The following BLTP2 variants were observed in gnomAD, a reference collection of about 807,000 sequenced individuals.
The protein encoded by BLTP2 is U937-associated antigen.
the BLTP2 span, chr17:28,631,715 C>T: frequency 3.1e-6 from 5 of 1,611,190 alleles, no homozygotes; most frequent in African/African-American, 1.3e-5. Context: ...ACCATGCTGA[C>T]CAGTTCAGAG....
the BLTP2 span, among the ~76,000 whole-genome samples, chr17:28,626,141 A>G: frequency 2.0e-5 from 3 of 152,064 alleles, no homozygotes; most frequent in Non-Finnish European, 4.4e-5. Flanking sequence ...TTCCTCTCCA[A>G]TCCTCCTACA....
chr17:28,645,066 G>A, the BLTP2 span: 6 of 1,586,422 alleles, frequency 3.8e-6, no homozygotes, highest in Non-Finnish European at 5.1e-6. Flanking sequence ...TTTAGGTCCG[G>A]GTCCGGCCCG....
chr17:28,631,129 A>T, the BLTP2 span, among the ~76,000 whole-genome samples: 1 of 152,140 alleles, frequency 6.6e-6, no homozygotes, highest in Non-Finnish European at 1.5e-5. Context: ...GTATGTGGAG[A>T]TGGGCCTTTG....
the BLTP2 span, chr17:28,633,849 A>G: frequency 6.2e-6 from 10 of 1,606,970 alleles, no homozygotes; most frequent in East Asian, 2.2e-4. Flanking sequence ...CATTTCACCC[A>G]TCACAAACGT....
the BLTP2 span, chr17:28,621,205 A>G: frequency 6.3e-7 from 1 of 1,599,920 alleles, no homozygotes; most frequent in South Asian, 1.1e-5. Flanking sequence ...AGAAAAAGAC[A>G]TTCTCAATAA....
the BLTP2 span, chr17:28,621,222 T>C: frequency 5.7e-6 from 9 of 1,567,882 alleles, no homozygotes; most frequent in South Asian, 1.1e-5. Flanking sequence ...ATAAAGATAA[T>C]GTGAGAGCCT....
the BLTP2 span, chr17:28,623,714 C>T: frequency 6.1e-5 from 92 of 1,515,068 alleles, 1 homozygote; most frequent in South Asian, 2.3e-4. Context: ...AGAAAGTCTA[C>T]GGAAAACCAG....
the BLTP2 span, chr17:28,638,677 A>G: frequency 8.2e-7 from 1 of 1,219,608 alleles, no homozygotes; most frequent in South Asian, 1.3e-5. Flanking sequence ...TTTGGTAAGA[A>G]AAGAACTGCA....
chr17:28,645,131 G>A, the BLTP2 span: 6 of 1,251,848 alleles, frequency 4.8e-6, no homozygotes, highest in South Asian at 2.0e-5. Context: ...GCGCAGCACC[G>A]CCGCGGGCCG....
At chr17:28,633,760 G>A in the BLTP2 span, 13 of 1,612,264 alleles carry the variant, frequency 8.1e-6, no homozygotes, top group Non-Finnish European at 1.1e-5. Context: ...CGCTGGGGTA[G>A]AGGAACAAAG....
At chr17:28,625,334 C>CAAAAAAAAAAAAAAAAAA in the BLTP2 span, among the ~76,000 whole-genome samples, 12 of 28,998 alleles carry the variant, frequency 4.1e-4, no homozygotes, top group East Asian at 1.3e-3. Context: ...GACTCCGTCT[C>CAAAAAAAAAAAAAAAAAA]AAAAAAAAAA....
chr17:28,640,515 C>G, the BLTP2 span: 2 of 1,608,072 alleles, frequency 1.2e-6, no homozygotes, highest in South Asian at 2.2e-5. Flanking sequence ...CAACATACAG[C>G]TCCCACTATC....
At chr17:28,617,438 T>C in the BLTP2 span, 1 of 661,312 alleles carries the variant, frequency 1.5e-6, no homozygotes, top group African/African-American at 1.8e-5. Context: ...AACCTTGAGA[T>C]CTCCTTCAAA....
the BLTP2 span, chr17:28,634,495 A>G: frequency 2.5e-6 from 4 of 1,595,648 alleles, no homozygotes; most frequent in African/African-American, 4.0e-5. Context: ...CGGGGTCTGC[A>G]AATAAAGGAA....
the BLTP2 span, chr17:28,637,155 C>T: frequency 3.1e-6 from 5 of 1,614,022 alleles, no homozygotes; most frequent in African/African-American, 1.3e-5. Flanking sequence ...GGTGTCCAGT[C>T]GTACCTCTGA....
At chr17:28,624,869 TC>T in the BLTP2 span, among the ~76,000 whole-genome samples, 3 of 152,298 alleles carry the variant, frequency 2.0e-5, no homozygotes, top group East Asian at 5.8e-4. Context: ...CTTGGCATGT[TC>T]CCTTCTCTTT....
At chr17:28,618,784 C>T in the BLTP2 span, 1 of 1,611,104 alleles carries the variant, frequency 6.2e-7, no homozygotes, top group Admixed American at 1.7e-5. Flanking sequence ...CCATATACCC[C>T]AGATACCTTG....
At chr17:28,633,433 T>C in the BLTP2 span, 4 of 1,597,328 alleles carry the variant, frequency 2.5e-6, no homozygotes, top group East Asian at 6.7e-5. Context: ...TGGTGAGATA[T>C]AGGTAAGAAA....
chr17:28,638,489 C>G, the BLTP2 span: 1 of 1,597,552 alleles, frequency 6.3e-7, no homozygotes, highest in Non-Finnish European at 8.6e-7. Flanking sequence ...CACTAACGGA[C>G]AGATTCTTGT....
Sources: gnomAD v4.1 joint callset for allele counts (sites outside exome capture counted in the v4.1 genomes callset) on GRCh38, gnomAD v4.1.1 for gene constraint, MANE v1.5 for transcripts, NCBI Gene and HGNC (gene_info 2026-07-23, HGNC 2026-07-21) for gene names.